TTC28: variants seen among roughly 807,000 people sequenced by gnomAD.
TTC28 encodes the protein tetratricopeptide repeat domain 28.
A neutral mutation model predicts 198.0 loss-of-function variants in TTC28; 61 were observed. The ratio of observed to expected loss-of-function variants is 0.31; its 90% CI spans 0.25 to 0.38. The LOEUF is 0.38. Ranked by LOEUF, TTC28 falls within the 10% of genes least tolerant of loss-of-function variation. The pLI, the probability that TTC28 is intolerant of heterozygous loss-of-function variation, is 1.00. For missense variants in TTC28, 2,678 were observed against 3,164.0 expected (o/e 0.85, Z 3.69); for synonymous variants, 1,171 against 1,297.8 (o/e 0.90, Z 2.10).
intron 6 of TTC28, among the ~76,000 whole-genome samples, chr22:28,118,742 A>G (rs902482421): frequency 2.6e-5 from 4 of 152,152 alleles, no homozygotes; most frequent in Non-Finnish European, 5.9e-5. Context: ...ACGACACATG[A>G]CTATATTTCT....
intron 2 of TTC28, among the ~76,000 whole-genome samples, chr22:28,617,376 C>T (rs1375736916): frequency 1.3e-5 from 2 of 151,162 alleles, no homozygotes; most frequent in Non-Finnish European, 2.9e-5. Context: ...GTCCTGTGTG[C>T]TAACAATTAG....
At chr22:28,146,700 T>C (rs563738940) in intron 6 of TTC28, among the ~76,000 whole-genome samples, 16 of 152,226 alleles carry the variant, frequency 1.1e-4, no homozygotes, top group Non-Finnish European at 1.9e-4. Flanking sequence ...GATTAGATAA[T>C]GGATTGGTGG....
At chr22:28,398,398 A>C (rs970371113) in intron 2 of TTC28, among the ~76,000 whole-genome samples, 2 of 152,204 alleles carry the variant, frequency 1.3e-5, no homozygotes, top group South Asian at 2.1e-4. Context: ...AATGCTAAGA[A>C]GAGGAGGGGC....
chr22:28,170,478 G>T (rs569057812), intron 5 of TTC28, among the ~76,000 whole-genome samples: 2 of 142,950 alleles, frequency 1.4e-5, no homozygotes, highest in East Asian at 4.1e-4. Flanking sequence ...GACAGAGCGA[G>T]ACTCCGTCTC....
At chr22:28,560,504 T>C (rs1490916177) in intron 2 of TTC28, among the ~76,000 whole-genome samples, 1 of 152,090 alleles carries the variant, frequency 6.6e-6, no homozygotes, top group African/African-American at 2.4e-5. Context: ...TCTGACCTCA[T>C]CTCTTATCTC....
chr22:28,158,153 T>C (rs1049121332), intron 6 of TTC28, among the ~76,000 whole-genome samples: 1 of 151,982 alleles, frequency 6.6e-6, no homozygotes, highest in Non-Finnish European at 1.5e-5. Flanking sequence ...AAGAAAGGAA[T>C]CTCATTTACA....
At chr22:28,362,025 G>A (rs2046166937) in intron 2 of TTC28, among the ~76,000 whole-genome samples, 1 of 152,154 alleles carries the variant, frequency 6.6e-6, no homozygotes, top group African/African-American at 2.4e-5. Flanking sequence ...GAGCTCTGAT[G>A]GAGATGTACA....
intron 5 of TTC28, among the ~76,000 whole-genome samples, chr22:28,289,813 A>G (rs1222040436): frequency 6.6e-6 from 1 of 152,114 alleles, no homozygotes; most frequent in Non-Finnish European, 1.5e-5. Context: ...ATCACCTGAG[A>G]TCAGGAGATC....
At chr22:27,998,158 T>A (rs1374717658) in intron 16 of TTC28, 1 of 248,652 alleles carries the variant, frequency 4.0e-6, no homozygotes, top group Non-Finnish European at 7.7e-6. Context: ...AGAGGGTAAG[T>A]AACCTATCTC....
chr22:28,615,977 G>A (rs571200764), intron 2 of TTC28, among the ~76,000 whole-genome samples: 1 of 152,060 alleles, frequency 6.6e-6, no homozygotes, highest in Non-Finnish European at 1.5e-5. Context: ...CTCAAAAGCA[G>A]ACTTGAATTA....
rs190255897 is a variant in TTC28 at position 28,161,622 on chromosome 22, C to A, written c.1441+1470G>T. Among the ~76,000 whole-genome samples the A allele has an allele frequency of 1.3e-3, 198 of 151,308 alleles. 1 individual carries two copies. The highest frequency in any genetic ancestry group is 2.4e-3 in the Non-Finnish European group (163 of 67,894). The stretch of plus-strand genomic sequence containing the variant: ...TGAGCCATGATTGCACCACTATACT[C>A]CAGCCAAGGTAATAGATGGAGACCC... On this transcript the variant is annotated intron_variant, in intron 6 of 22. Coordinates refer to ENST00000397906, the MANE Select transcript of TTC28 (RefSeq NM_001145418.2).
chr22:28,431,467 T>A (rs2047428516), intron 2 of TTC28, among the ~76,000 whole-genome samples: 1 of 152,226 alleles, frequency 6.6e-6, no homozygotes, highest in Non-Finnish European at 1.5e-5. Context: ...ATTATACCTC[T>A]GTGCCTATTA....
At chr22:28,280,044 T>C (rs2044554399) in intron 5 of TTC28, among the ~76,000 whole-genome samples, 2 of 152,208 alleles carry the variant, frequency 1.3e-5, no homozygotes, top group Non-Finnish European at 2.9e-5. Context: ...AAAACTGCCA[T>C]AAACATTCTT....
chr22:28,603,709 T>A (rs2050679760), intron 2 of TTC28, among the ~76,000 whole-genome samples: 1 of 152,186 alleles, frequency 6.6e-6, no homozygotes, highest in African/African-American at 2.4e-5. Context: ...GGTAGCTTTT[T>A]CAATATGATT....
At chr22:28,491,175 CT>C (rs1179031730) in intron 2 of TTC28, among the ~76,000 whole-genome samples, 6 of 152,194 alleles carry the variant, frequency 3.9e-5, no homozygotes, top group African/African-American at 1.2e-4. Flanking sequence ...ACAAAAGATA[CT>C]TTTAGAGAGT....
intron 2 of TTC28, among the ~76,000 whole-genome samples, chr22:28,393,052 T>G (rs1354529840): frequency 6.6e-6 from 1 of 151,992 alleles, no homozygotes; most frequent in Non-Finnish European, 1.5e-5. Flanking sequence ...AATTGTTTTA[T>G]ATTTATTTTT....
intron 2 of TTC28, among the ~76,000 whole-genome samples, chr22:28,538,053 T>C (rs1286878957): frequency 2.6e-5 from 4 of 152,210 alleles, no homozygotes; most frequent in East Asian, 3.8e-4. Context: ...TGTCATTGCA[T>C]ACATATCTAA....
chr22:28,555,613 T>C (rs997637016), intron 2 of TTC28, among the ~76,000 whole-genome samples: 2 of 152,196 alleles, frequency 1.3e-5, no homozygotes, highest in African/African-American at 4.8e-5. Flanking sequence ...AAACATTGTA[T>C]GTTCTCACTC....
At chr22:28,075,822 G>C (rs1253530006) in intron 12 of TTC28, among the ~76,000 whole-genome samples, 1 of 152,170 alleles carries the variant, frequency 6.6e-6, no homozygotes, top group African/African-American at 2.4e-5. Context: ...CCCTCAAGTA[G>C]GCAGAGCGAG....
Sources: allele counts gnomAD v4.1 joint callset (sites outside exome capture counted in the v4.1 genomes callset), GRCh38; gene constraint gnomAD v4.1.1; transcripts MANE v1.5; gene names NCBI Gene and HGNC (gene_info 2026-07-23, HGNC 2026-07-21).